Variants in CDH13 observed in about 807,000 individuals in gnomAD.
CDH13 encodes the protein cadherin 13.
In CDH13, 24 loss-of-function variants were observed where a neutral mutation model predicts 63.8. That is an observed-to-expected ratio of 0.38 (90% CI 0.27 to 0.53). The LOEUF (loss-of-function observed/expected upper bound fraction) is 0.53. Ranked by LOEUF, CDH13 falls within the 20% of genes least tolerant of loss-of-function variation. The pLI, the probability that CDH13 is intolerant of heterozygous loss-of-function variation, is 0.85. For synonymous variants in CDH13, 503 were observed against 355.3 expected, an observed-to-expected ratio of 1.42 and a Z score of -4.67; for missense variants, 1,049 against 903.1, an observed-to-expected ratio of 1.16 and a Z score of -2.07.
At chr16:83,144,218 G>C (rs957478385) in intron 4 of CDH13, among the ~76,000 whole-genome samples, 1 of 152,142 alleles carries the variant, frequency 6.6e-6, no homozygotes, top group Non-Finnish European at 1.5e-5. Flanking sequence ...TCTCCCATGA[G>C]GAAGTGACAC....
intron 2 of CDH13, among the ~76,000 whole-genome samples, chr16:82,875,641 TA>T (rs1368234532): frequency 3.9e-5 from 6 of 152,214 alleles, no homozygotes; most frequent in African/African-American, 1.4e-4. Flanking sequence ...TCAAAAAGTT[TA>T]AAACATGACT....
chr16:83,689,926 C>G (rs150475765), intron 10 of CDH13, among the ~76,000 whole-genome samples: 2 of 152,210 alleles, frequency 1.3e-5, no homozygotes, highest in African/African-American at 4.8e-5. Context: ...TGGCTCACAC[C>G]GGCAATCCCA....
At chr16:82,878,199 C>G (rs536701999) in intron 2 of CDH13, among the ~76,000 whole-genome samples, 5 of 152,062 alleles carry the variant, frequency 3.3e-5, no homozygotes, top group African/African-American at 7.2e-5. Flanking sequence ...CGAAAAGGAT[C>G]TCAGGGTGGG....
chr16:83,381,262 C>G (rs1012304171), intron 6 of CDH13, among the ~76,000 whole-genome samples: 4 of 152,050 alleles, frequency 2.6e-5, no homozygotes, highest in African/African-American at 9.7e-5. Flanking sequence ...ATCTCTTTAG[C>G]CTCCACCAGT....
chr16:83,114,780 A>G (rs1449475771), intron 3 of CDH13, among the ~76,000 whole-genome samples: 2 of 152,176 alleles, frequency 1.3e-5, no homozygotes, highest in Non-Finnish European at 2.9e-5. Context: ...CCAGGAGGCA[A>G]TGAAGCAAAC....
At chr16:83,238,253 C>A (rs6565158) in intron 5 of CDH13, among the ~76,000 whole-genome samples, 124,973 of 151,968 alleles carry the variant, frequency 0.82, 52,004 homozygotes, top group East Asian at 1. Flanking sequence ...AGTGGACTTA[C>A]AGTTCCACAT....
chr16:82,785,672 T>C (rs1036984587), intron 1 of CDH13, among the ~76,000 whole-genome samples: 1 of 152,228 alleles, frequency 6.6e-6, no homozygotes, highest in Non-Finnish European at 1.5e-5. Context: ...GGATTCCTAA[T>C]TGAGGACAAT....
chr16:82,974,141 G>A (rs146063957), intron 2 of CDH13, among the ~76,000 whole-genome samples: 20 of 152,286 alleles, frequency 1.3e-4, no homozygotes, highest in East Asian at 3.9e-4. Flanking sequence ...GTTTCAGCAC[G>A]TTGGCCAGGC....
chr16:83,253,450 C>A (rs1905830987), intron 5 of CDH13, among the ~76,000 whole-genome samples: 1 of 152,326 alleles, frequency 6.6e-6, no homozygotes, highest in African/African-American at 2.4e-5. Flanking sequence ...AAGGCAAAAT[C>A]TGTGTGGTCG....
chr16:83,616,022 G>A (rs1365067249), intron 8 of CDH13, among the ~76,000 whole-genome samples: 1 of 152,172 alleles, frequency 6.6e-6, no homozygotes, highest in Admixed American at 6.5e-5. Flanking sequence ...GTATGCCGCT[G>A]AATGTTTTTG....
chr16:83,015,059 A>G (rs964087079), intron 2 of CDH13, among the ~76,000 whole-genome samples: 2 of 151,386 alleles, frequency 1.3e-5, no homozygotes, highest in Non-Finnish European at 1.5e-5. Flanking sequence ...AAAAGTATTT[A>G]ATAGCTATTA....
intron 3 of CDH13, among the ~76,000 whole-genome samples, chr16:83,096,092 C>T (rs369217811): frequency 4.5e-4 from 68 of 152,272 alleles, no homozygotes; most frequent in South Asian, 3.1e-3. Context: ...AGGTCAAGAA[C>T]TCCGTATGTG....
intron 3 of CDH13, among the ~76,000 whole-genome samples, chr16:83,096,900 G>A (rs1020185451): frequency 6.6e-6 from 1 of 152,094 alleles, no homozygotes; most frequent in African/African-American, 2.4e-5. Flanking sequence ...TTGAAAGTTA[G>A]GGTCATGTTA....
intron 2 of CDH13, among the ~76,000 whole-genome samples, chr16:82,939,418 A>G (rs947944283): frequency 1.4e-4 from 21 of 146,876 alleles, no homozygotes; most frequent in African/African-American, 4.0e-4. Flanking sequence ...GTAAGACCTT[A>G]GCTCAAAAAA....
intron 1 of CDH13, among the ~76,000 whole-genome samples, chr16:82,650,069 G>A (rs1460766919): frequency 6.6e-6 from 1 of 152,142 alleles, no homozygotes; most frequent in Admixed American, 6.5e-5. Flanking sequence ...CTTAAAGAAT[G>A]TTCTCTGAGA....
At chr16:82,886,778 C>T (rs1271256587) in intron 2 of CDH13, among the ~76,000 whole-genome samples, 2 of 152,138 alleles carry the variant, frequency 1.3e-5, no homozygotes, top group Non-Finnish European at 2.9e-5. Flanking sequence ...TAACCAAGTG[C>T]TGATGGGCTT....
rs114273043 is a variant in CDH13, at chr16:83,254,043, C to G, written c.636+36546C>G. ...CTTGCTCCTGGATCTGGCTGGTGTT[C>G]CTGAGAGAAGGACAAGACGCCGCAG... On this transcript the variant is annotated intron_variant, in intron 5 of 13. Coordinates refer to ENST00000567109, the MANE Select transcript of CDH13 (RefSeq NM_001257.5). 7.0e-3 allele frequency among the ~76,000 whole-genome samples: 1,065 copies of G among 152,246 alleles called. 7 individuals carry two copies. The highest frequency in any genetic ancestry group is 0.024 in the African/African-American group (990 of 41,530).
intron 1 of CDH13, among the ~76,000 whole-genome samples, chr16:82,784,956 G>A (rs1182408866): frequency 1.3e-5 from 2 of 152,134 alleles, no homozygotes; most frequent in Admixed American, 6.5e-5. Context: ...GAGCTGCTCC[G>A]GGCTGAGATG....
chr16:83,760,859 A>T (rs1161193889), intron 11 of CDH13, among the ~76,000 whole-genome samples: 2 of 152,238 alleles, frequency 1.3e-5, no homozygotes, highest in African/African-American at 4.8e-5. Flanking sequence ...CCTTCTGAGC[A>T]TTTAGACAGA....
Sources: gnomAD v4.1 joint callset for allele counts (sites outside exome capture counted in the v4.1 genomes callset) on GRCh38, gnomAD v4.1.1 for gene constraint, MANE v1.5 for transcripts, NCBI Gene and HGNC (gene_info 2026-07-23, HGNC 2026-07-21) for gene names.